LRBA: variants seen among roughly 807,000 people sequenced by gnomAD.
LRBA encodes the protein lipopolysaccharide-responsive and beige-like anchor protein.
A neutral mutation model predicts 330.0 loss-of-function variants in LRBA; 176 were observed. The ratio of observed to expected loss-of-function variants is 0.53; its 90% CI spans 0.47 to 0.60. The LOEUF is 0.60. Ranked by LOEUF, LRBA falls within the 20% of genes least tolerant of loss-of-function variation. The pLI is 0.00. For missense variants in LRBA, 3,259 were observed against 3,444.8 expected, an observed-to-expected ratio of 0.95 and a Z score of 1.35; for synonymous variants, 1,230 against 1,193.0, an observed-to-expected ratio of 1.03 and a Z score of -0.64.
At chr4:150,545,073 T>C (rs1765714614) in intron 40 of LRBA, among the ~76,000 whole-genome samples, 1 of 152,146 alleles carries the variant, frequency 6.6e-6, no homozygotes, top group South Asian at 2.1e-4. Context: ...TTAATGCTTG[T>C]CCCACAAACC....
chr4:150,414,928 CACTAAAGAGGAT>C (rs377358883), intron 47 of LRBA, among the ~76,000 whole-genome samples: 27 of 152,132 alleles, frequency 1.8e-4, no homozygotes, highest in African/African-American at 6.3e-4. Flanking sequence ...CTAAAGAATC[CACTAAAGAGGAT>C]ACTAAAGAGT....
At chr4:150,574,671 G>T (rs1009278021) in intron 40 of LRBA, among the ~76,000 whole-genome samples, 10 of 151,966 alleles carry the variant, frequency 6.6e-5, no homozygotes, top group African/African-American at 2.4e-4. Flanking sequence ...CTATAGATTT[G>T]TATCATTCAT....
intron 47 of LRBA, among the ~76,000 whole-genome samples, chr4:150,361,822 G>A (rs1738736980): frequency 6.7e-6 from 1 of 149,258 alleles, no homozygotes; most frequent in Admixed American, 6.7e-5. Context: ...CCAGGCTGGA[G>A]TGCAGTGGCG....
chr4:150,614,739 T>C (rs776927985), intron 37 of LRBA, among the ~76,000 whole-genome samples: 6 of 152,192 alleles, frequency 3.9e-5, no homozygotes, highest in Admixed American at 2.0e-4. Flanking sequence ...ATAGGTGATA[T>C]ATCACCTCAG....
intron 48 of LRBA, among the ~76,000 whole-genome samples, chr4:150,348,619 G>A (rs1736725806): frequency 6.6e-6 from 1 of 152,132 alleles, no homozygotes; most frequent in South Asian, 2.1e-4. Context: ...GTTCTACAGT[G>A]AGAATTCAGT....
intron 36 of LRBA, among the ~76,000 whole-genome samples, chr4:150,716,538 T>C (rs1582131788): frequency 1.3e-5 from 2 of 152,302 alleles, no homozygotes; most frequent in East Asian, 1.9e-4. Flanking sequence ...AAACAATAAA[T>C]GACTTTCACT....
At chr4:150,851,273 G>C (rs1399212596) in intron 23 of LRBA, among the ~76,000 whole-genome samples, 1 of 152,000 alleles carries the variant, frequency 6.6e-6, no homozygotes, top group African/African-American at 2.4e-5. Context: ...CTAGAATGAA[G>C]AATAAAAACA....
intron 47 of LRBA, among the ~76,000 whole-genome samples, chr4:150,380,076 G>A (rs917780457): frequency 6.6e-6 from 1 of 151,024 alleles, no homozygotes; most frequent in Non-Finnish European, 1.5e-5. Flanking sequence ...CTACTCGGGA[G>A]GCTGAGGCAG....
At chr4:150,471,387 G>GT (rs1300033555) in intron 43 of LRBA, among the ~76,000 whole-genome samples, 2 of 152,022 alleles carry the variant, frequency 1.3e-5, no homozygotes, top group African/African-American at 4.8e-5. Context: ...AGTACTTTGA[G>GT]TTTTTTACTG....
At chr4:150,385,607 A>G (rs1264759558) in intron 47 of LRBA, among the ~76,000 whole-genome samples, 1 of 152,136 alleles carries the variant, frequency 6.6e-6, no homozygotes, top group Non-Finnish European at 1.5e-5. Flanking sequence ...GAAGAAGGGA[A>G]GAGGGGGCAA....
chr4:150,269,389 CCTT>C (rs2126700316), intron 56 of LRBA, among the ~76,000 whole-genome samples: 1 of 152,244 alleles, frequency 6.6e-6, no homozygotes, highest in Non-Finnish European at 1.5e-5. Context: ...GGAGAAAGCA[CCTT>C]CTTTTCAACA....
intron 40 of LRBA, among the ~76,000 whole-genome samples, chr4:150,542,869 T>A (rs566080331): frequency 3.9e-5 from 6 of 152,228 alleles, no homozygotes; most frequent in Admixed American, 3.3e-4. Flanking sequence ...ACAAAAAAAT[T>A]TTAAGGTTTC....
At chr4:150,422,078 C>G (rs1218782638) in intron 46 of LRBA, among the ~76,000 whole-genome samples, 1 of 152,024 alleles carries the variant, frequency 6.6e-6, no homozygotes, top group Non-Finnish European at 1.5e-5. Flanking sequence ...GCCAACATGG[C>G]AAGACCCCAT....
At chr4:150,685,757 T>TA (rs1561514679) in intron 36 of LRBA, among the ~76,000 whole-genome samples, 33 of 151,932 alleles carry the variant, frequency 2.2e-4, no homozygotes, top group Admixed American at 9.2e-4. Context: ...TCTTAGTCTG[T>TA]GCAAAACACT....
chr4:150,830,596 C>A (rs1404041766), intron 29 of LRBA, among the ~76,000 whole-genome samples: 1 of 151,922 alleles, frequency 6.6e-6, no homozygotes, highest in Admixed American at 6.6e-5. Context: ...GCCCACCGTG[C>A]CCTATCCAAA....
At chr4:150,743,637 T>G (rs1159275485) in intron 35 of LRBA, among the ~76,000 whole-genome samples, 7 of 152,206 alleles carry the variant, frequency 4.6e-5, no homozygotes, top group African/African-American at 1.4e-4. Flanking sequence ...AGAGCACAAC[T>G]AGGCCCATTT....
At chr4:150,812,885 G>T (rs1214060508) in intron 31 of LRBA, among the ~76,000 whole-genome samples, 2 of 152,100 alleles carry the variant, frequency 1.3e-5, no homozygotes, top group Non-Finnish European at 2.9e-5. Flanking sequence ...ATTGGAAAAA[G>T]AATAATGATA....
At chr4:150,555,825 C>T (rs1767252220) in intron 40 of LRBA, among the ~76,000 whole-genome samples, 1 of 150,338 alleles carries the variant, frequency 6.7e-6, no homozygotes, top group Non-Finnish European at 1.5e-5. Flanking sequence ...TTTTTTGAGA[C>T]AGGGTCTTCC....
At chr4:150,899,656 C>A (rs529389935) in intron 14 of LRBA, among the ~76,000 whole-genome samples, 1 of 152,234 alleles carries the variant, frequency 6.6e-6, no homozygotes, top group Admixed American at 6.5e-5. Flanking sequence ...AAGCAGATAA[C>A]TCCTACTTCT....
Sources: allele counts gnomAD v4.1 joint callset (sites outside exome capture counted in the v4.1 genomes callset), GRCh38; gene constraint gnomAD v4.1.1; transcripts MANE v1.5; gene names NCBI Gene and HGNC (gene_info 2026-07-23, HGNC 2026-07-21).